The following MLIP variants were observed in gnomAD, a reference collection of about 807,000 sequenced individuals.
MLIP encodes muscular LMNA-interacting protein.
A neutral mutation model predicts 84.8 loss-of-function variants in MLIP; 79 were observed. That is an observed-to-expected ratio of 0.93 (90% CI 0.78 to 1.12). MLIP has a LOEUF of 1.12. Among genes scored for constraint, MLIP ranks in the 50% most tolerant of loss-of-function variants. MLIP has a pLI of 0.00. For missense variants in MLIP, 1,257 were observed against 1,160.6 expected (o/e 1.08, Z -1.21); for synonymous variants, 504 against 463.0 (o/e 1.09, Z -1.14).
At chr6:54,063,454 T>G (rs1239707663) in intron 1 of MLIP, 1 of 152,138 alleles carries the variant, frequency 6.6e-6, no homozygotes, top group Non-Finnish European at 1.5e-5. Context: ...AGGAAACATT[T>G]TGGATGTGAT....
intron 4 of MLIP, among the ~76,000 whole-genome samples, chr6:54,147,901 C>T (rs1773028632): frequency 6.6e-6 from 1 of 152,054 alleles, no homozygotes; most frequent in African/African-American, 2.4e-5. Flanking sequence ...AGAAAGAAAA[C>T]AGTGAAAAAG....
chr6:54,189,098 G>A (rs2150669787), intron 9 of MLIP, among the ~76,000 whole-genome samples: 1 of 152,270 alleles, frequency 6.6e-6, no homozygotes, highest in African/African-American at 2.4e-5. Flanking sequence ...TAGTAAGAAG[G>A]AAACTAGGGA....
chr6:54,161,521 T>A (rs1774637223), intron 8 of MLIP, among the ~76,000 whole-genome samples: 1 of 151,944 alleles, frequency 6.6e-6, no homozygotes, highest in Non-Finnish European at 1.5e-5. Context: ...ATTTTTCCTT[T>A]ATTGATAATT....
intron 1 of MLIP, among the ~76,000 whole-genome samples, chr6:54,036,585 G>C (rs1055777864): frequency 1.3e-5 from 2 of 151,948 alleles, no homozygotes; most frequent in Admixed American, 1.3e-4. Context: ...AAAGACCAAC[G>C]ATAAGTGTTG....
At chr6:54,212,677 T>C (rs561607849) in intron 11 of MLIP, among the ~76,000 whole-genome samples, 4 of 152,302 alleles carry the variant, frequency 2.6e-5, no homozygotes, top group South Asian at 2.1e-4. Context: ...CCTGTTTGTA[T>C]TGAGAAATCA....
intron 1 of MLIP, among the ~76,000 whole-genome samples, chr6:54,028,121 G>A (rs1405315034): frequency 1.3e-5 from 2 of 152,124 alleles, no homozygotes; most frequent in Non-Finnish European, 2.9e-5. Context: ...AAAATAAGGA[G>A]ATGATTTTTA....
intron 1 of MLIP, among the ~76,000 whole-genome samples, chr6:54,036,380 C>A (rs893676772): frequency 2.0e-5 from 3 of 151,790 alleles, no homozygotes; most frequent in African/African-American, 7.3e-5. Context: ...CATGAGTGAA[C>A]TCCCAGTCAC....
chr6:54,150,260 G>A (rs1226053099), intron 5 of MLIP, among the ~76,000 whole-genome samples: 1 of 152,174 alleles, frequency 6.6e-6, no homozygotes. Context: ...TGAACTGGAG[G>A]TTCACTAGGC....
chr6:54,083,400 T>C, intron 1 of MLIP: 7 of 1,394,664 alleles, frequency 5.0e-6, no homozygotes, highest in Non-Finnish European at 6.7e-6. Flanking sequence ...TCCAGAGTTG[T>C]TGGGGAAGCA....
At chr6:54,204,892 C>G (rs1352994811) in intron 11 of MLIP, among the ~76,000 whole-genome samples, 1 of 152,086 alleles carries the variant, frequency 6.6e-6, no homozygotes, top group East Asian at 1.9e-4. Context: ...ATTTGTATCC[C>G]CATTTGAATG....
chr6:54,138,079 G>A lies in MLIP; in HGVS notation c.2010G>A (p.Leu670=). The A allele has an allele frequency of 6.5e-7, 1 of 1,536,020 alleles. No homozygotes were observed. Among genetic ancestry groups the A allele is most frequent in the Non-Finnish European group, 8.7e-7 (1 of 1,146,860 alleles). Residue 670 remains leucine (L), a synonymous_variant, in exon 4 of 14, where the codon CTG becomes CTA. Coordinates refer to ENST00000502396, the MANE Select transcript of MLIP (RefSeq NM_001281747.2). ...SSLPHANLPT[L]VPQLSPSALH... ...TCCCTCATGCCAATCTGCCCACCCT[G>A]GTGCCCCAGCTCAGTCCCTCAGCTC...
chr6:54,040,790 T>C (rs1764700203), intron 1 of MLIP, among the ~76,000 whole-genome samples: 1 of 152,034 alleles, frequency 6.6e-6, no homozygotes, highest in African/African-American at 2.4e-5. Context: ...TGGAGGCCAT[T>C]ATCCTAATAG....
intron 11 of MLIP, chr6:54,215,510 G>A (rs1779796317): frequency 1.7e-6 from 1 of 598,880 alleles, no homozygotes. Context: ...TATTTAAGGT[G>A]TAAAATGTGA....
At chr6:54,127,597 C>T (rs190264000) in intron 3 of MLIP, among the ~76,000 whole-genome samples, 1 of 152,174 alleles carries the variant, frequency 6.6e-6, no homozygotes, top group Admixed American at 6.5e-5. Flanking sequence ...CATGTCTTAT[C>T]TCCCCTAAGA....
intron 8 of MLIP, among the ~76,000 whole-genome samples, chr6:54,165,126 A>T (rs1775044167): frequency 6.6e-6 from 1 of 151,924 alleles, no homozygotes; most frequent in Admixed American, 6.6e-5. Context: ...GCAGGTCCTG[A>T]AGCCCAAGTC....
chr6:54,120,137 A>G (rs1201437658), intron 1 of MLIP, among the ~76,000 whole-genome samples: 1 of 152,244 alleles, frequency 6.6e-6, no homozygotes, highest in African/African-American at 2.4e-5. Context: ...TTCTTAAAAG[A>G]GAAATCTACA....
intron 12 of MLIP, among the ~76,000 whole-genome samples, chr6:54,244,016 G>A (rs1224047205): frequency 6.6e-6 from 1 of 152,132 alleles, no homozygotes; most frequent in South Asian, 2.1e-4. Flanking sequence ...GCAAAGGTTA[G>A]TGGCTAACAG....
chr6:54,200,616 T>G (rs115902800), intron 10 of MLIP, among the ~76,000 whole-genome samples: 1,105 of 13,444 alleles, frequency 0.082, 22 homozygotes, highest in Non-Finnish European at 0.24. Flanking sequence ...CGTTTTTTTT[T>G]TTTTTTTTTT....
At chr6:54,256,539 C>T (rs1385600714) in intron 12 of MLIP, among the ~76,000 whole-genome samples, 1 of 151,834 alleles carries the variant, frequency 6.6e-6, no homozygotes, top group East Asian at 1.9e-4. Context: ...TGGTTAATAC[C>T]AAAAAAGGGT....
Sources: allele counts gnomAD v4.1 joint callset (sites outside exome capture counted in the v4.1 genomes callset), GRCh38; gene constraint gnomAD v4.1.1; transcripts MANE v1.5; gene names NCBI Gene and HGNC (gene_info 2026-07-23, HGNC 2026-07-21).